SFRP1: variants seen among roughly 807,000 people sequenced by gnomAD.
The protein encoded by SFRP1 is secreted frizzled related protein 1.
A neutral mutation model predicts 25.9 loss-of-function variants in SFRP1; 9 were observed. The ratio of observed to expected loss-of-function variants is 0.35; its 90% CI spans 0.21 to 0.61. SFRP1 has a LOEUF of 0.61. Among genes scored for constraint, SFRP1 ranks in the 20% least tolerant of loss-of-function variants. The probability of loss-of-function intolerance (pLI) is 0.78; values close to 1 mark genes in which losing one functional copy is unlikely to be tolerated. For synonymous variants in SFRP1, 178 were observed against 174.0 expected, an observed-to-expected ratio of 1.02 and a Z score of -0.18; for missense variants, 346 against 418.2, an observed-to-expected ratio of 0.83 and a Z score of 1.51.
intron 2 of SFRP1, among the ~76,000 whole-genome samples, chr8:41,278,303 A>T (rs954862660): frequency 1.3e-5 from 2 of 152,132 alleles, no homozygotes; most frequent in African/African-American, 4.8e-5. Context: ...AGAGGAACGG[A>T]CCCCAAGTGG....
chr8:41,267,768 T>C (rs1460159107), intron 2 of SFRP1, among the ~76,000 whole-genome samples: 1 of 152,212 alleles, frequency 6.6e-6, no homozygotes, highest in Non-Finnish European at 1.5e-5. Flanking sequence ...TAATCCTAAG[T>C]TGAAACCCAT....
At chr8:41,278,300 C>T (rs529185263) in intron 2 of SFRP1, among the ~76,000 whole-genome samples, 2 of 152,342 alleles carry the variant, frequency 1.3e-5, no homozygotes, top group Non-Finnish European at 1.5e-5. Context: ...TTCAGAGGAA[C>T]GGACCCCAAG....
chr8:41,295,576 G>C (rs1409060700), intron 2 of SFRP1, among the ~76,000 whole-genome samples: 1 of 151,558 alleles, frequency 6.6e-6, no homozygotes, highest in Admixed American at 6.6e-5. Flanking sequence ...GAAAGACCTG[G>C]AAGGCTGTAT....
In SFRP1 at chr8:41,303,488, T is replaced by C. The variant is rs141186016; in HGVS notation, c.595A>G (p.Ile199Val). The change falls in exon 2 of 3, where the codon ATT becomes GTT. Residue 199 changes from isoleucine (I) to valine (V), a missense_variant. Transcript: ENST00000220772. The stretch of plus-strand genomic sequence containing the variant: ...AACTCGCTGGCACAGAGATGTTCAA[T>C]GATGGCCTCAGATTTCAACTCGTTG... ...CDNELKSEAI[I>V]EHLCASEFAL... 23 of 1,613,788 alleles carry C rather than the reference T, an allele frequency of 1.4e-5. No homozygotes were observed. Among genetic ancestry groups the C allele is most frequent in the Middle Eastern group, 1.6e-4 (1 of 6,084 alleles).
intron 2 of SFRP1, among the ~76,000 whole-genome samples, chr8:41,291,290 A>G (rs765451609): frequency 2.2e-4 from 33 of 152,112 alleles, no homozygotes; most frequent in Admixed American, 2.6e-4. Context: ...AACAAGGCCA[A>G]ATCTCCATTC....
chr8:41,281,473 G>A (rs1422840207), intron 2 of SFRP1, among the ~76,000 whole-genome samples: 1 of 152,224 alleles, frequency 6.6e-6, no homozygotes, highest in African/African-American at 2.4e-5. Context: ...TCCCTTCAGA[G>A]CACAGAAGGG....
At chr8:41,306,480 T>TAC (rs61425542) in intron 1 of SFRP1, among the ~76,000 whole-genome samples, 16,814 of 147,324 alleles carry the variant, frequency 0.11, 1,209 homozygotes, top group Admixed American at 0.21. Flanking sequence ...TCTACACACC[T>TAC]ACACACACAC....
In SFRP1 at chr8:41,264,956, C is replaced by T. The variant is rs1803415631; in HGVS notation, c.*211G>A. ...TTAAAAACCTTCCTAATCTAAATGG[C>T]CCTTGCTTTACCCGGCCATGGCTAC... On this transcript the variant is annotated 3_prime_UTR_variant, in exon 3 of 3. Transcript: ENST00000220772. 2 of 547,902 alleles carry T rather than the reference C, an allele frequency of 3.7e-6. No homozygotes were observed. The highest frequency in any genetic ancestry group is 6.4e-6 in the Non-Finnish European group (2 of 310,444). 33.9% of individuals were successfully genotyped at this position (547,902 alleles called of 1,614,324 possible).
Position 41,303,509 on chromosome 8 carries a change from CGTT to C in SFRP1, c.571_573del (p.Asn191del). 1.2e-6 allele frequency: 2 copies of C among 1,613,992 alleles called. No homozygotes were observed. Among genetic ancestry groups the C allele is most frequent in the South Asian group, 2.2e-5 (2 of 91,064 alleles). On this transcript the variant is annotated inframe_deletion, in exon 2 of 3. Coordinates refer to ENST00000220772, the MANE Select transcript of SFRP1 (RefSeq NM_003012.5). ...TCAATGATGGCCTCAGATTTCAACTCGTTGTCACAGGGAGGACACACCGTTGTG... is the reference window on the plus strand; with the variant it reads ...TCAATGATGGCCTCAGATTTCAACTCGTCACAGGGAGGACACACCGTTGTG...
At chr8:41,306,336 A>G (rs1383844343) in intron 1 of SFRP1, among the ~76,000 whole-genome samples, 1 of 152,250 alleles carries the variant, frequency 6.6e-6, no homozygotes, top group Non-Finnish European at 1.5e-5. Context: ...TTTAAAGAAT[A>G]AAAGCATAAA....
At position 41,309,049 on chromosome 8, in the gene SFRP1, C is replaced by T. The variant is rs768472530; in HGVS notation, c.111G>A (p.Val37=). Residue 37 remains valine, a synonymous_variant, in exon 1 of 3, where the codon GTG becomes GTA. Transcript: ENST00000220772. ...AVGSASEYDY[V]SFQSDIGPYQ... ...ACGGGCCGATGTCCGACTGGAAGCT[C>T]ACGTAGTCGTACTCGCTGGCCGAGC... is the stretch of plus-strand genomic sequence containing the variant. 1.2e-6 allele frequency: 2 copies of T among 1,605,696 alleles called. No individual in the cohort carries two copies. The highest frequency in any genetic ancestry group is 1.3e-5 in the African/African-American group (1 of 75,050).
intron 1 of SFRP1, among the ~76,000 whole-genome samples, chr8:41,304,868 C>A (rs142438912): frequency 4.9e-4 from 74 of 152,182 alleles, no homozygotes; most frequent in African/African-American, 1.5e-3. Flanking sequence ...CCTCTCCCAC[C>A]TTTACTCTGC....
chr8:41,281,163 C>G (rs1803630644), intron 2 of SFRP1, among the ~76,000 whole-genome samples: 1 of 152,214 alleles, frequency 6.6e-6, no homozygotes, highest in Non-Finnish European at 1.5e-5. Context: ...CGTTCATGGC[C>G]TTCCACTCCG....
At chr8:41,273,107 G>A (rs531420401) in intron 2 of SFRP1, among the ~76,000 whole-genome samples, 1 of 152,308 alleles carries the variant, frequency 6.6e-6, no homozygotes, top group Admixed American at 6.5e-5. Context: ...GGCATTAACA[G>A]GTTTTAAAAC....
chr8:41,286,241 T>G (rs1340785340), intron 2 of SFRP1, among the ~76,000 whole-genome samples: 1 of 152,044 alleles, frequency 6.6e-6, no homozygotes, highest in Non-Finnish European at 1.5e-5. Flanking sequence ...GGAGATACAT[T>G]AAGTCTGTAA....
chr8:41,307,432 A>G (rs1804012363), intron 1 of SFRP1, among the ~76,000 whole-genome samples: 1 of 152,186 alleles, frequency 6.6e-6, no homozygotes, highest in Non-Finnish European at 1.5e-5. Context: ...GAGCCAGGTG[A>G]CTGCACTCCC....
At chr8:41,306,867 T>G (rs1804005096) in intron 1 of SFRP1, 2 of 1,596,856 alleles carry the variant, frequency 1.3e-6, no homozygotes, top group Non-Finnish European at 1.7e-6. Context: ...TCACAGCCTT[T>G]TGGGGGCTGG....
intron 2 of SFRP1, among the ~76,000 whole-genome samples, chr8:41,284,998 G>C (rs981520644): frequency 2.0e-5 from 3 of 152,190 alleles, no homozygotes; most frequent in Non-Finnish European, 4.4e-5. Flanking sequence ...AAGCCAGCCC[G>C]ACACTCAGTC....
chr8:41,275,086 T>C (rs921776579), intron 2 of SFRP1: 4 of 366,950 alleles, frequency 1.1e-5, no homozygotes, highest in Non-Finnish European at 2.1e-5. Context: ...GATAACAAAA[T>C]CAATTGGGTT....
Sources: gnomAD v4.1 joint callset for allele counts (sites outside exome capture counted in the v4.1 genomes callset) on GRCh38, gnomAD v4.1.1 for gene constraint, MANE v1.5 for transcripts, NCBI Gene and HGNC (gene_info 2026-07-23, HGNC 2026-07-21) for gene names.